Variants in LGR4 observed in about 807,000 individuals in gnomAD.
LGR4 encodes the protein leucine-rich repeat-containing G protein-coupled receptor 4.
LGR4 carries 44 observed loss-of-function variants against 84.8 expected under a neutral mutation model. The ratio of observed to expected loss-of-function variants is 0.52; its 90% CI spans 0.41 to 0.67. LGR4 has a LOEUF of 0.67. Among genes scored for constraint, LGR4 ranks in the 30% least tolerant of loss-of-function variants. LGR4 has a pLI of 0.00. For missense variants in LGR4, 1,032 were observed against 1,131.4 expected (o/e 0.91, Z 1.26); for synonymous variants, 429 against 434.3 (o/e 0.99, Z 0.15).
chr11:27,401,016 C>T (rs1183878202), intron 2 of LGR4, among the ~76,000 whole-genome samples: 6 of 152,138 alleles, frequency 3.9e-5, no homozygotes, highest in Non-Finnish European at 7.4e-5. Flanking sequence ...AAGACTTTTG[C>T]ATCTTCATAT....
intron 1 of LGR4, among the ~76,000 whole-genome samples, chr11:27,450,681 G>A (rs961616285): frequency 1.3e-5 from 2 of 152,098 alleles, no homozygotes; most frequent in African/African-American, 2.4e-5. Context: ...CCACCTACTC[G>A]GGAGGCTGAG....
chr11:27,371,406 C>A (rs941219811), intron 17 of LGR4, among the ~76,000 whole-genome samples: 1 of 152,208 alleles, frequency 6.6e-6, no homozygotes, highest in Non-Finnish European at 1.5e-5. Flanking sequence ...TGTTAACATG[C>A]AGATTCTGAT....
chr11:27,422,466 A>G (rs1863938691), intron 1 of LGR4, among the ~76,000 whole-genome samples: 1 of 152,208 alleles, frequency 6.6e-6, no homozygotes, highest in Admixed American at 6.5e-5. Flanking sequence ...AAAAAATTGA[A>G]AGAGGAAAGA....
chr11:27,396,229 G>A (rs1319223336), intron 2 of LGR4, among the ~76,000 whole-genome samples: 1 of 152,150 alleles, frequency 6.6e-6, no homozygotes, highest in African/African-American at 2.4e-5. Context: ...CAAAAGATTA[G>A]GAAATAATTC....
chr11:27,426,991 A>G (rs1057266581), intron 1 of LGR4, among the ~76,000 whole-genome samples: 7 of 152,222 alleles, frequency 4.6e-5, no homozygotes, highest in Admixed American at 3.3e-4. Flanking sequence ...AGCTAAAGTA[A>G]TGACCTAATG....
chr11:27,450,470 T>A (rs1271975846), intron 1 of LGR4, among the ~76,000 whole-genome samples: 5 of 152,128 alleles, frequency 3.3e-5, no homozygotes, highest in Non-Finnish European at 5.9e-5. Context: ...TGTTGCTGTA[T>A]AATAAAAAAT....
At chr11:27,455,113 G>A (rs545201284) in intron 1 of LGR4, among the ~76,000 whole-genome samples, 1 of 152,202 alleles carries the variant, frequency 6.6e-6, no homozygotes, top group Admixed American at 6.5e-5. Flanking sequence ...ATAGTTCCCT[G>A]CAGCCTCAAA....
rs72887882 is a variant in LGR4, at chr11:27,368,134, C to T, written c.2589G>A (p.Ser863=). The T allele has an allele frequency of 0.014, 23,131 of 1,613,640 alleles. 216 individuals are homozygous for T. Among genetic ancestry groups the T allele is most frequent in the Non-Finnish European group, 0.016 (19,185 of 1,179,838 alleles). The change falls in exon 18 of 18, where the codon TCG becomes TCA. Residue 863 remains serine (S), a synonymous_variant. Transcript: ENST00000379214. The part of the protein sequence containing the change: ...GNLTVCDCCE[S]FLLTKPVSCK... ...ATGATACTGGCTTTGTTAAAAGAAA[C>T]GATTCGCAGCAGTCGCAAACAGTCA...
At position 27,380,942 on chromosome 11, in the gene LGR4, A is replaced by G. The variant is rs770451348; in HGVS notation, c.783T>C (p.Ser261=). ...KELGFHSNSI[S]VIPDGAFDGN... ...CATCAAATGCTCCATCAGGGATAAC[A>G]GAAATAGAATTACTATGAAATCCTC... Residue 261 remains serine, a synonymous_variant, in exon 8 of 18, where the codon TCT becomes TCC. Coordinates refer to ENST00000379214, the MANE Select transcript of LGR4 (RefSeq NM_018490.5). 6.5e-6 allele frequency: 10 copies of G among 1,548,330 alleles called. No individual in the cohort carries two copies. Among genetic ancestry groups the G allele is most frequent in the African/African-American group, 1.4e-5 (1 of 73,524 alleles).
intron 17 of LGR4, among the ~76,000 whole-genome samples, chr11:27,370,217 T>C (rs554607229): frequency 2.4e-4 from 37 of 152,322 alleles, no homozygotes; most frequent in South Asian, 1.0e-3. Context: ...TTCACAGACC[T>C]CAAAAGCCAG....
intron 1 of LGR4, among the ~76,000 whole-genome samples, chr11:27,455,502 T>C (rs1364447868): frequency 6.6e-6 from 1 of 152,186 alleles, no homozygotes; most frequent in Non-Finnish European, 1.5e-5. Context: ...AGAAACTGAC[T>C]TTTTGCTTTC....
Position 27,472,454 on chromosome 11 carries a change from C to A in LGR4, c.-152G>T. 2.1e-6 allele frequency: 1 copy of A among 467,286 alleles called. No homozygotes were observed. The highest frequency in any genetic ancestry group is 3.4e-6 in the Non-Finnish European group (1 of 293,302). The allele number at this position is 467,286 out of a possible 1,614,324, so 28.9% of individuals were successfully genotyped here. On this transcript the variant is annotated 5_prime_UTR_variant, in exon 1 of 18. Coordinates refer to ENST00000379214, the MANE Select transcript of LGR4 (RefSeq NM_018490.5). ...GCGCGGGCTCGGCCCCTTCAGCAGT[C>A]CGCCGCAGCGGCGCAGGGACGCGGC... is the stretch of plus-strand genomic sequence containing the variant.
intron 2 of LGR4, among the ~76,000 whole-genome samples, chr11:27,402,112 A>G (rs773895845): frequency 4.6e-5 from 7 of 152,084 alleles, no homozygotes; most frequent in Non-Finnish European, 8.8e-5. Flanking sequence ...CAGAGCCTAT[A>G]TTTGTTCAAA....
At chr11:27,447,352 C>G (rs1864410292) in intron 1 of LGR4, among the ~76,000 whole-genome samples, 1 of 152,104 alleles carries the variant, frequency 6.6e-6, no homozygotes, top group Non-Finnish European at 1.5e-5. Context: ...TAAGCGTCCT[C>G]TGGACATCCT....
At chr11:27,431,993 G>A (rs373083508) in intron 1 of LGR4, among the ~76,000 whole-genome samples, 2 of 152,256 alleles carry the variant, frequency 1.3e-5, no homozygotes, top group East Asian at 3.9e-4. Context: ...CATAAGGAAG[G>A]TACTCTATGC....
intron 1 of LGR4, among the ~76,000 whole-genome samples, chr11:27,420,642 C>T (rs1565087316): frequency 2.0e-5 from 3 of 151,846 alleles, no homozygotes. Context: ...AATATACATA[C>T]ACACATGTAC....
chr11:27,423,376 CA>C (rs1863958514), intron 1 of LGR4, among the ~76,000 whole-genome samples: 1 of 152,236 alleles, frequency 6.6e-6, no homozygotes, highest in African/African-American at 2.4e-5. Context: ...CCCCATAATG[CA>C]GGCTTGTGGA....
At chr11:27,401,912 A>G (rs1290233392) in intron 2 of LGR4, among the ~76,000 whole-genome samples, 1 of 152,228 alleles carries the variant, frequency 6.6e-6, no homozygotes, top group Non-Finnish European at 1.5e-5. Context: ...CAAGGCATGC[A>G]ATACGCTGCT....
intron 1 of LGR4, chr11:27,471,670 G>A (rs966138879): frequency 1.3e-5 from 2 of 153,100 alleles, no homozygotes; most frequent in East Asian, 3.8e-4. Context: ...GACATGCCTC[G>A]GTATGCAGAC....
Sources: gnomAD v4.1 joint callset for allele counts (sites outside exome capture counted in the v4.1 genomes callset) on GRCh38, gnomAD v4.1.1 for gene constraint, MANE v1.5 for transcripts, NCBI Gene and HGNC (gene_info 2026-07-23, HGNC 2026-07-21) for gene names.